BEX2: variants seen among roughly 807,000 people sequenced by gnomAD.
BEX2 encodes the protein brain expressed X-linked 2.
Under a neutral mutation model 4.1 loss-of-function variants are expected in BEX2, and 2 were observed. That is an observed-to-expected ratio of 0.49 (90% CI 0.20 to 1.53). The LOEUF (loss-of-function observed/expected upper bound fraction) is 1.53. Ranked by LOEUF, BEX2 falls within the 40% of genes most tolerant of loss-of-function variation. The probability of loss-of-function intolerance (pLI) is 0.23; values close to 1 mark genes in which losing one functional copy is unlikely to be tolerated. For synonymous variants in BEX2, 34 were observed against 35.9 expected, an observed-to-expected ratio of 0.95 and a Z score of 0.19; for missense variants, 94 against 99.9, an observed-to-expected ratio of 0.94 and a Z score of 0.25.
rs747518809 is a variant in BEX2, at chrX:103,310,890, C to A, written c.-112G>T. 1.3e-4 allele frequency: 37 copies of A among 293,693 alleles called. No individual in the cohort carries two copies. In the South Asian group the frequency reaches 3.0e-3, roughly 24 times the overall value. The allele number at this position is 293,693 out of a possible 1,213,427, so 24.2% of individuals were successfully genotyped here. ...CCCCCTCCGCTTCCTACTTTCGGGG[C>A]CGTACCTGGCCCGCACGTCCTCAGG... On this transcript the variant is annotated 5_prime_UTR_variant, in exon 1 of 3. Coordinates refer to ENST00000372677, the MANE Select transcript of BEX2 (RefSeq NM_032621.4).
In BEX2 at chrX:103,309,829, T is replaced by C; in HGVS notation, c.148A>G (p.Arg50Gly). 2.5e-6 allele frequency: 3 copies of C among 1,212,281 alleles called. No individual in the cohort carries two copies. Among genetic ancestry groups the C allele is most frequent in the Non-Finnish European group, 3.3e-6 (3 of 895,648 alleles). The change falls in exon 3 of 3, where the codon AGA (arginine) becomes GGA (glycine). Residue 50 changes from arginine to glycine, a missense_variant. Transcript: ENST00000372677. The part of the protein sequence containing the change: ...PLNVSEYCVP[R>G]GNRRRFRVRQ... ...ACGCGGAACCGCCTACGGTTTCCTCTAGGCACACAGTATTCACTAACATTC... is the reference window on the plus strand; with the variant it reads ...ACGCGGAACCGCCTACGGTTTCCTCCAGGCACACAGTATTCACTAACATTC...
Position 103,310,377 on chromosome X carries a change from C to G in BEX2, c.-25G>C. ...ACTGACCTGGGCCTATCCTTGCAGT[C>G]TCCTCCTCCCGATTCTCGACGTGAG... On this transcript the variant is annotated 5_prime_UTR_variant, in exon 2 of 3. Coordinates refer to ENST00000372677, the MANE Select transcript of BEX2 (RefSeq NM_032621.4). 1 of 1,156,560 alleles carries G rather than the reference C, an allele frequency of 8.6e-7. No homozygotes were observed. The highest frequency in any genetic ancestry group is 1.1e-6 in the Non-Finnish European group (1 of 872,994).
At position 103,309,522 on chromosome X, in the gene BEX2, G is replaced by A. The variant is rs781011379; in HGVS notation, c.*68C>T. On this transcript the variant is annotated 3_prime_UTR_variant, in exon 3 of 3. Coordinates refer to ENST00000372677, the MANE Select transcript of BEX2 (RefSeq NM_032621.4). ...TAACATCAAAACGTTTACGACAAAG[G>A]TACACCACAAATGTGTAAGTTTAGG... 26 of 1,165,755 alleles carry A rather than the reference G, an allele frequency of 2.2e-5. No individual in the cohort carries two copies. The African/African-American group carries it at 4.7e-4, about 21-fold the overall frequency.
intron 1 of BEX2, 148 bp from the exon 2 acceptor site, chrX:103,310,581 A>G: frequency 8.7e-7 from 1 of 1,154,905 alleles, no homozygotes; most frequent in East Asian, 3.3e-5. Context: ...CCCCAAGCTG[A>G]CCACCATTTT....
intron 2 of BEX2, 48 bp downstream of exon 2, chrX:103,310,310 C>G: frequency 8.9e-7 from 1 of 1,121,542 alleles, no homozygotes; most frequent in Non-Finnish European, 1.2e-6. Flanking sequence ...TCAGACTGGG[C>G]TTTCCTCATG....
intron 1 of BEX2, 113 bp downstream of exon 1, chrX:103,310,747 G>GCCGC: frequency 1.5e-6 from 1 of 673,286 alleles, no homozygotes; most frequent in Non-Finnish European, 2.1e-6. Context: ...GCGGGGCCCC[G>GCCGC]GGGCTGCATC....
chrX:103,309,393 T>C lies in BEX2; in HGVS notation c.*197A>G. ...AACTTCACAATATATAATGAGCATCTTTCCATGCAATAGGTAAAACTCTCC... is the reference window on the plus strand; with the variant it reads ...AACTTCACAATATATAATGAGCATCCTTCCATGCAATAGGTAAAACTCTCC... On this transcript the variant is annotated 3_prime_UTR_variant, in exon 3 of 3. Transcript: ENST00000372677. 1 of 529,264 alleles carries C rather than the reference T, an allele frequency of 1.9e-6. No homozygotes were observed. Among genetic ancestry groups the C allele is most frequent in the Non-Finnish European group, 2.9e-6 (1 of 342,782 alleles). The allele number at this position is 529,264 out of a possible 1,213,427, so 43.6% of individuals were successfully genotyped here.
rs1293406379 is a variant in BEX2 at position 103,310,406 on chromosome X, C to T, written c.-54G>A. 2.6e-6 allele frequency: 3 copies of T among 1,155,444 alleles called. No individual in the cohort carries two copies. The highest frequency in any genetic ancestry group is 2.6e-5 in the Admixed American group (1 of 38,691). ...TCCTCCCGATTCTCGACGTGAGGTG[C>T]GTCGCCGCAACACTTGGCCCCGCAA... On this transcript the variant is annotated 5_prime_UTR_variant, in exon 2 of 3. Coordinates refer to ENST00000372677, the MANE Select transcript of BEX2 (RefSeq NM_032621.4).
chrX:103,310,458 G>T (rs747019825), intron 1 of BEX2, 25 bp from the exon 2 acceptor site: 1 of 1,154,061 alleles, frequency 8.7e-7, no homozygotes, highest in African/African-American at 1.8e-5. Context: ...GGTGGGAAGA[G>T]TGGGGGCTGC....
In BEX2 at chrX:103,309,493, T is replaced by C. The variant is rs1441156902; in HGVS notation, c.*97A>G. The stretch of plus-strand genomic sequence containing the variant: ...CTGGTAATAGGAGACCCACAAGAAA[T>C]AGGTAACATCAAAACGTTTACGACA... On this transcript the variant is annotated 3_prime_UTR_variant, in exon 3 of 3. Coordinates refer to ENST00000372677, the MANE Select transcript of BEX2 (RefSeq NM_032621.4). 2.7e-6 allele frequency: 3 copies of C among 1,107,511 alleles called. No individual in the cohort carries two copies. Among genetic ancestry groups the C allele is most frequent in the East Asian group, 6.1e-5 (2 of 32,842 alleles). 91.3% of individuals were successfully genotyped at this position (1,107,511 alleles called of 1,213,427 possible). A position where few individuals can be genotyped will look rare whatever the true frequency, so the allele number is the denominator to read the frequency against.
chrX:103,310,502 C>G (rs1277855434), intron 1 of BEX2, 69 bp from the exon 2 acceptor site: 1 of 1,146,542 alleles, frequency 8.7e-7, no homozygotes. Flanking sequence ...CCGCCGCCAC[C>G]CGGCCCCTTC....
At chrX:103,310,032 C>T in intron 2 of BEX2, 51 bp from the exon 3 acceptor site, 1 of 1,123,061 alleles carries the variant, frequency 8.9e-7, no homozygotes, top group Admixed American at 2.8e-5. Flanking sequence ...TGATCAGCAC[C>T]GAGGACAGAG....
Position 103,310,447 on chromosome X carries a change from G to A in BEX2, c.-81-14C>T. The A allele has an allele frequency of 8.6e-7, 1 of 1,156,423 alleles. No homozygotes were observed. Among genetic ancestry groups the A allele is most frequent in the African/African-American group, 1.8e-5 (1 of 56,496 alleles). ...GGCCCCGCAAACCTGCAGACGGCCG[G>A]GGTGGGAAGAGTGGGGGCTGCTGCA... On this transcript the variant is annotated splice_polypyrimidine_tract_variant and intron_variant, in intron 1 of 2. Coordinates refer to ENST00000372677, the MANE Select transcript of BEX2 (RefSeq NM_032621.4).
At chrX:103,310,587 A>G in intron 1 of BEX2, 154 bp from the exon 2 acceptor site, 4 of 1,151,774 alleles carry the variant, frequency 3.5e-6, no homozygotes, top group Non-Finnish European at 4.6e-6. Flanking sequence ...GCTGACCACC[A>G]TTTTCTGCAT....
rs1448517803 is a variant in BEX2, at chrX:103,310,693, G to A, written c.-82+167C>T. ...TAGCCTCAGGATCGCCGGCTCCCGC[G>A]GGGCCGGGCACCCCTCCGCTCACAC... On this transcript the variant is annotated intron_variant, in intron 1 of 2. Transcript: ENST00000372677. 4.8e-6 allele frequency: 5 copies of A among 1,037,071 alleles called. No homozygotes were observed. The African/African-American group carries it at 7.5e-5, about 15-fold the overall frequency. The allele number at this position is 1,037,071 out of a possible 1,213,427, so 85.5% of individuals were successfully genotyped here.
chrX:103,309,955 C>T lies in BEX2; in HGVS notation c.22G>A (p.Ala8Thr). The change falls in exon 3 of 3, where the codon GCG becomes ACG. Residue 8 changes from alanine to threonine, a missense_variant. Coordinates refer to ENST00000372677, the MANE Select transcript of BEX2 (RefSeq NM_032621.4). MESKEER[A>T]LNNLIVENVN... ...TTTTCCACGATGAGATTGTTTAACG[C>T]TCGTTCCTCTTTGGACTCCATTACT... 8.3e-7 allele frequency: 1 copy of T among 1,206,029 alleles called. No individual in the cohort carries two copies. The highest frequency in any genetic ancestry group is 1.1e-6 in the Non-Finnish European group (1 of 892,910).
chrX:103,310,840 A>C lies in BEX2; in HGVS notation c.-82+20T>G. 1.4e-5 allele frequency: 5 copies of C among 349,973 alleles called. No homozygotes were observed. Among genetic ancestry groups the C allele is most frequent in the Non-Finnish European group, 2.4e-5 (5 of 209,911 alleles). The allele number at this position is 349,973 out of a possible 1,213,427, so 28.8% of individuals were successfully genotyped here. A position where few individuals can be genotyped will look rare whatever the true frequency, so the allele number is the denominator to read the frequency against. On this transcript the variant is annotated intron_variant, in intron 1 of 2. Coordinates refer to ENST00000372677, the MANE Select transcript of BEX2 (RefSeq NM_032621.4). ...CTGCTCCCCCACACCAACCCCAGGGACCCCCTCCGGGTCCCTTACCTGCTC... is the reference window on the plus strand; with the variant it reads ...CTGCTCCCCCACACCAACCCCAGGGCCCCCCTCCGGGTCCCTTACCTGCTC...
Position 103,309,915 on chromosome X carries a change from T to A in BEX2, c.62A>T (p.Asn21Ile). Residue 21 changes from asparagine to isoleucine, a missense_variant, in exon 3 of 3, where the codon AAT becomes ATT. Asn to Ile is a moderately radical substitution (Grantham distance 149). Coordinates refer to ENST00000372677, the MANE Select transcript of BEX2 (RefSeq NM_032621.4). ...NLIVENVNQE[N>I]DEKDEKEQVA... ...TTGCTCCTTTTCATCTTTTTCATCATTTTCCTGGTTGACATTTTCCACGAT... is the reference window on the plus strand; with the variant it reads ...TTGCTCCTTTTCATCTTTTTCATCAATTTCCTGGTTGACATTTTCCACGAT... 8.3e-7 allele frequency: 1 copy of A among 1,211,112 alleles called. No individual in the cohort carries two copies. The highest frequency in any genetic ancestry group is 1.1e-6 in the Non-Finnish European group (1 of 895,288).
At chrX:103,310,485 A>G in intron 1 of BEX2, 52 bp from the exon 2 acceptor site, 1 of 1,150,516 alleles carries the variant, frequency 8.7e-7, no homozygotes, top group Non-Finnish European at 1.2e-6. Context: ...GGAACGCTAG[A>G]GAGGACCCGC....
Sources: allele counts gnomAD v4.1 joint callset, GRCh38; gene constraint gnomAD v4.1.1; transcripts MANE v1.5; gene names NCBI Gene and HGNC (gene_info 2026-07-23, HGNC 2026-07-21).